FANCI: variants seen among roughly 807,000 people sequenced by gnomAD.
FANCI encodes FA complementation group I.
FANCI carries 156 observed loss-of-function variants against 176.1 expected under a neutral mutation model. The observed-to-expected ratio is 0.89, with a 90% CI of 0.78 to 1.01. The LOEUF (loss-of-function observed/expected upper bound fraction) is 1.01. FANCI is among the 50% of genes least tolerant of loss of function. The pLI, the probability that FANCI is intolerant of heterozygous loss-of-function variation, is 0.00. For missense variants in FANCI, 1,678 were observed against 1,534.1 expected (o/e 1.09, Z -1.57); for synonymous variants, 613 against 541.7 (o/e 1.13, Z -1.83).
chr15:89,245,365 TTTTTTG>T (rs1230166609), intron 1 of FANCI: 7 of 125,574 alleles, frequency 5.6e-5, no homozygotes, highest in African/African-American at 2.4e-4. Flanking sequence ...TTTTTTTTTT[TTTTTTG>T]TATTTTTAGT....
chr15:89,310,064 C>T (rs1218200255), intron 34 of FANCI, among the ~76,000 whole-genome samples: 1 of 152,146 alleles, frequency 6.6e-6, no homozygotes, highest in Non-Finnish European at 1.5e-5. Context: ...AATCAGAATG[C>T]CCAAGAACAG....
At chr15:89,272,746 T>C (rs768961616) in intron 10 of FANCI, among the ~76,000 whole-genome samples, 1 of 152,144 alleles carries the variant, frequency 6.6e-6, no homozygotes, top group Non-Finnish European at 1.5e-5. Context: ...CTGAGCTCAC[T>C]GCAACCTTCG....
intron 1 of FANCI, among the ~76,000 whole-genome samples, chr15:89,246,796 C>G (rs145402587): frequency 0.021 from 2,853 of 136,494 alleles, 113 homozygotes; most frequent in African/African-American, 0.079. Flanking sequence ...GACAGAGCCT[C>G]GCTCTGTCGC....
At chr15:89,308,162 A>C (rs1032625573) in intron 34 of FANCI, 3 of 1,047,108 alleles carry the variant, frequency 2.9e-6, no homozygotes, top group Non-Finnish European at 2.3e-6. Context: ...TGTTTGCTTA[A>C]ACCAGTTTTT....
At chr15:89,305,975 G>A in intron 31 of FANCI, 32 bp from the exon 32 acceptor site, 5 of 1,611,530 alleles carry the variant, frequency 3.1e-6, no homozygotes, top group Non-Finnish European at 4.2e-6. Context: ...AACGAAGTTG[G>A]GTTTGAATGT....
intron 20 of FANCI, 108 bp downstream of exon 20, chr15:89,291,822 T>C (rs779943848): frequency 3.0e-5 from 27 of 885,456 alleles, no homozygotes; most frequent in Non-Finnish European, 4.7e-5. Context: ...GTTCTTCCAA[T>C]GAATGTTTAC....
intron 2 of FANCI, among the ~76,000 whole-genome samples, chr15:89,250,675 C>G (rs1567136257): frequency 6.7e-6 from 1 of 150,082 alleles, no homozygotes. Flanking sequence ...GCACATGTAC[C>G]CTAGAACTTA....
chr15:89,281,813 C>T lies in FANCI; in HGVS notation c.1561C>T (p.Leu521Phe). The T allele has an allele frequency of 6.2e-7, 1 of 1,613,838 alleles. No homozygotes were observed. The highest frequency in any genetic ancestry group is 8.5e-7 in the Non-Finnish European group (1 of 1,179,904). The change falls in exon 16 of 38, where the codon CTT becomes TTT. Residue 521 changes from leucine to phenylalanine, a missense_variant. Around this residue, in one of 3 missense-constraint regions of FANCI, gnomAD observed 1,204 missense variants for 1,077.4 expected, o/e 1.12. Coordinates refer to ENST00000310775, the MANE Select transcript of FANCI (RefSeq NM_001113378.2). ...AATGAGAGACTGCTTGATACTTGTC[C>T]TTCGGAAAGCTATGTTTGCCAAGTA... is the stretch of plus-strand genomic sequence containing the variant. ...MSMRDCLILV[L>F]RKAMFANQLD...
intron 13 of FANCI, among the ~76,000 whole-genome samples, chr15:89,277,645 T>C (rs971742130): frequency 6.6e-6 from 1 of 151,616 alleles, no homozygotes; most frequent in Admixed American, 6.6e-5. Context: ...ATCATACTTA[T>C]TGGTTCATTG....
At position 89,315,393 on chromosome 15, in the gene FANCI, A is replaced by G. The variant is rs1268142910; in HGVS notation, c.3924+4A>G. 1 of 1,595,102 alleles carries G rather than the reference A, an allele frequency of 6.3e-7. No individual in the cohort carries two copies. Among genetic ancestry groups the G allele is most frequent in the South Asian group, 1.1e-5 (1 of 90,676 alleles). ...TGGTGAAGATGAAAATGAAGAGGTCAGTGCTGGCTTCTGTCTGGAGCCCAG... is the reference window on the plus strand; with the variant it reads ...TGGTGAAGATGAAAATGAAGAGGTCGGTGCTGGCTTCTGTCTGGAGCCCAG... On this transcript the variant is annotated splice_donor_region_variant and intron_variant, in intron 37 of 37. Transcript: ENST00000310775.
chr15:89,295,511 C>T (rs1399451859), intron 24 of FANCI, among the ~76,000 whole-genome samples: 1 of 151,954 alleles, frequency 6.6e-6, no homozygotes, highest in Non-Finnish European at 1.5e-5. Context: ...ACTAAAAATA[C>T]AAAAATTAGC....
At chr15:89,308,082 G>T in intron 34 of FANCI, 1 of 1,126,080 alleles carries the variant, frequency 8.9e-7, no homozygotes, top group Non-Finnish European at 1.1e-6. Context: ...GAAGTGGAAG[G>T]ACGTGGCTTT....
In FANCI at chr15:89,281,845, A is replaced by G. The variant is rs1243511056; in HGVS notation, c.1583+10A>G. 9 of 1,612,272 alleles carry G rather than the reference A, an allele frequency of 5.6e-6. No homozygotes were observed. The South Asian group carries it at 7.7e-5, about 14-fold the overall frequency. On this transcript the variant is annotated intron_variant, in intron 16 of 37. Transcript: ENST00000310775. ...AAGCTATGTTTGCCAAGTATGTAGC[A>G]TCTTTTTCTATCATAGGAAGACGTT...
chr15:89,297,814 G>GT (rs532915095), intron 24 of FANCI, among the ~76,000 whole-genome samples: 7,106 of 146,738 alleles, frequency 0.048, 311 homozygotes, highest in African/African-American at 0.12. Flanking sequence ...TTTTGTTTTT[G>GT]TTTTTTTTTC....
At chr15:89,260,926 C>T in intron 4 of FANCI, 83 bp downstream of exon 4, 3 of 1,522,892 alleles carry the variant, frequency 2.0e-6, no homozygotes, top group Non-Finnish European at 2.7e-6. Flanking sequence ...ACTTAAGTGC[C>T]CAACCTAGCA....
At chr15:89,294,891 TTC>T (rs751389631) in intron 23 of FANCI, 22 bp from the exon 24 acceptor site, 10 of 1,546,268 alleles carry the variant, frequency 6.5e-6, no homozygotes, top group South Asian at 3.6e-5. Context: ...TCCTTTTTCT[TTC>T]TCTCTCTCTG....
At chr15:89,266,188 T>G (rs2052952021) in intron 9 of FANCI, among the ~76,000 whole-genome samples, 2 of 129,620 alleles carry the variant, frequency 1.5e-5, no homozygotes, top group Non-Finnish European at 1.6e-5. Flanking sequence ...TTTTTTGAGA[T>G]GGAGTCTCTG....
chr15:89,293,735 A>G (rs1461076486), intron 22 of FANCI, 98 bp from the exon 23 acceptor site: 3 of 1,145,838 alleles, frequency 2.6e-6, no homozygotes, highest in Admixed American at 1.8e-5. Context: ...CGTCTAAAAT[A>G]TGACATTTAA....
rs149537686 is a variant in FANCI, at chr15:89,254,086, C to T, written c.85-4618C>T. Among the ~76,000 whole-genome samples, 111 of 152,018 alleles carry T rather than the reference C, an allele frequency of 7.3e-4. No individual in the cohort carries two copies. The East Asian group carries it at 0.017, about 24-fold the overall frequency. ...GCAAAGATGCCATAGTTGCTCGGTG[C>T]GGTGGCTCACGCCTGTAATCCCAAC... On this transcript the variant is annotated intron_variant, in intron 2 of 37. Coordinates refer to ENST00000310775, the MANE Select transcript of FANCI (RefSeq NM_001113378.2).
Sources: gnomAD v4.1 joint callset for allele counts (sites outside exome capture counted in the v4.1 genomes callset) on GRCh38, gnomAD v4.1.1 for gene constraint, gnomAD v4.1.1 regional missense constraint, MANE v1.5 for transcripts, NCBI Gene and HGNC (gene_info 2026-07-23, HGNC 2026-07-21) for gene names.